Variants in BANK1 observed in about 807,000 individuals in gnomAD.
BANK1 encodes the protein B cell scaffold protein with ankyrin repeats 1, also known as B-cell scaffold protein with ankyrin repeats.
In BANK1, 95 loss-of-function variants were observed where a neutral mutation model predicts 94.5. The observed-to-expected ratio is 1.00, with a 90% CI of 0.85 to 1.19. BANK1 has a LOEUF of 1.19. Ranked by LOEUF, BANK1 falls within the 50% of genes most tolerant of loss-of-function variation. The pLI is 0.00. For missense variants in BANK1, 987 were observed against 932.2 expected (o/e 1.06, Z -0.77); for synonymous variants, 334 against 308.4 (o/e 1.08, Z -0.87).
intron 7 of BANK1, among the ~76,000 whole-genome samples, chr4:101,948,563 CTG>C (rs1199895091): frequency 6.6e-6 from 1 of 152,066 alleles, no homozygotes; most frequent in Non-Finnish European, 1.5e-5. Context: ...GTGAATGACT[CTG>C]TTTTTTATAT....
At chr4:101,836,922 G>A (rs532790528) in intron 2 of BANK1, among the ~76,000 whole-genome samples, 1 of 152,252 alleles carries the variant, frequency 6.6e-6, no homozygotes, top group African/African-American at 2.4e-5. Flanking sequence ...GCTTAGAACT[G>A]TATCTCCGTG....
chr4:101,815,245 A>G (rs1560584926), intron 1 of BANK1, among the ~76,000 whole-genome samples: 1 of 152,174 alleles, frequency 6.6e-6, no homozygotes, highest in Non-Finnish European at 1.5e-5. Flanking sequence ...GGAGCTTAAC[A>G]AAACAATTAC....
At chr4:102,062,220 T>C (rs1194525699) in intron 12 of BANK1, 1 of 152,154 alleles carries the variant, frequency 6.6e-6, no homozygotes, top group African/African-American at 2.4e-5. Flanking sequence ...AACATGGAGT[T>C]AATAGGGGAA....
intron 7 of BANK1, among the ~76,000 whole-genome samples, chr4:101,965,356 T>C (rs1182706231): frequency 6.7e-6 from 1 of 149,136 alleles, no homozygotes; most frequent in Non-Finnish European, 1.5e-5. Flanking sequence ...AAAAAAACAG[T>C]GACACAAAAC....
At chr4:101,938,245 A>G (rs746507768) in intron 7 of BANK1, among the ~76,000 whole-genome samples, 1 of 151,666 alleles carries the variant, frequency 6.6e-6, no homozygotes, top group Non-Finnish European at 1.5e-5. Context: ...AATAATAATA[A>G]TAAAACAATT....
At chr4:101,880,691 C>T (rs1053678712) in intron 5 of BANK1, among the ~76,000 whole-genome samples, 26 of 151,902 alleles carry the variant, frequency 1.7e-4, no homozygotes, top group African/African-American at 5.8e-4. Flanking sequence ...GCTATAGTAA[C>T]AAAAAACAGC....
Position 101,918,003 on chromosome 4 carries a change from C to A in BANK1, c.1020C>A (p.Phe340Leu). The change falls in exon 7 of 17, where the codon TTC becomes TTA. Residue 340 changes from phenylalanine to leucine, a missense_variant. Transcript: ENST00000322953. Reference protein sequence around the residue: ...EICSQNKYTHFKELPTLLHCA... With the variant: ...EICSQNKYTHLKELPTLLHCA... ...TTCTTATGCTTACAGATACTCATTT[C>A]AAAGAACTTCCAACTCTTCTCCACT... is the stretch of plus-strand genomic sequence containing the variant. The A allele has an allele frequency of 6.2e-7, 1 of 1,603,936 alleles. No individual in the cohort carries two copies. Among genetic ancestry groups the A allele is most frequent in the Non-Finnish European group, 8.5e-7 (1 of 1,172,942 alleles).
At chr4:101,901,631 A>G (rs1392902960) in intron 6 of BANK1, among the ~76,000 whole-genome samples, 1 of 152,228 alleles carries the variant, frequency 6.6e-6, no homozygotes, top group Non-Finnish European at 1.5e-5. Flanking sequence ...AAAAAGTAAC[A>G]GATTAGGCAA....
intron 1 of BANK1, among the ~76,000 whole-genome samples, chr4:101,828,607 C>T (rs556805419): frequency 6.6e-6 from 1 of 151,974 alleles, no homozygotes; most frequent in East Asian, 1.9e-4. Context: ...AATATTATGT[C>T]TTTCGATTCA....
At chr4:101,951,432 G>C (rs1724148969) in intron 7 of BANK1, among the ~76,000 whole-genome samples, 1 of 151,976 alleles carries the variant, frequency 6.6e-6, no homozygotes, top group Non-Finnish European at 1.5e-5. Flanking sequence ...CCAAACACCA[G>C]TTTACAGGGA....
intron 7 of BANK1, among the ~76,000 whole-genome samples, chr4:101,954,409 A>G (rs981595337): frequency 6.6e-6 from 1 of 152,168 alleles, no homozygotes; most frequent in African/African-American, 2.4e-5. Context: ...GTTAGTGTTC[A>G]TTTGTGGAGT....
chr4:101,919,615 G>A (rs1020733821), intron 7 of BANK1, among the ~76,000 whole-genome samples: 8 of 151,812 alleles, frequency 5.3e-5, no homozygotes, highest in South Asian at 2.1e-4. Context: ...TCACTTTTTC[G>A]TAGTCGCTGC....
At chr4:101,842,640 T>C (rs1226047626) in intron 2 of BANK1, among the ~76,000 whole-genome samples, 1 of 152,238 alleles carries the variant, frequency 6.6e-6, no homozygotes, top group Non-Finnish European at 1.5e-5. Flanking sequence ...ATTTCTAATT[T>C]CTTAGATATA....
At chr4:101,960,872 C>G (rs189367898) in intron 7 of BANK1, among the ~76,000 whole-genome samples, 1 of 152,162 alleles carries the variant, frequency 6.6e-6, no homozygotes, top group Non-Finnish European at 1.5e-5. Flanking sequence ...AACAAGTTCT[C>G]TGATTCTAGG....
At chr4:102,021,452 C>T (rs1292344234) in intron 7 of BANK1, 62 bp from the exon 8 acceptor site, 7 of 603,464 alleles carry the variant, frequency 1.2e-5, no homozygotes, top group East Asian at 3.3e-5. Flanking sequence ...CTTATTTGCA[C>T]AGGCATCCAG....
At chr4:101,912,579 A>G (rs1260222021) in intron 6 of BANK1, among the ~76,000 whole-genome samples, 1 of 148,546 alleles carries the variant, frequency 6.7e-6, no homozygotes, top group South Asian at 2.1e-4. Context: ...TATATAAAAT[A>G]TGTATTGAAT....
At position 101,829,880 on chromosome 4, in the gene BANK1, T is replaced by A. The variant is rs1372283833; in HGVS notation, c.143T>A (p.Phe48Tyr). ...EEWALYLTEV[F>Y]LHVVKREAIL... ...TGGGCTCTGTACTTGACAGAAGTAT[T>A]TTTACATGTTGTGAAAAGGGAAGCC... The change falls in exon 2 of 17, where the codon TTT (phenylalanine) becomes TAT (tyrosine). Residue 48 changes from phenylalanine (F) to tyrosine (Y), a missense_variant. By Grantham distance (22) the Phe-to-Tyr change is conservative (BLOSUM62 3). Transcript: ENST00000322953. 6.2e-7 allele frequency: 1 copy of A among 1,612,610 alleles called. No individual in the cohort carries two copies. The highest frequency in any genetic ancestry group is 2.2e-5 in the East Asian group (1 of 44,838).
At chr4:102,054,560 G>T (rs1728165392) in intron 11 of BANK1, among the ~76,000 whole-genome samples, 1 of 152,060 alleles carries the variant, frequency 6.6e-6, no homozygotes, top group Non-Finnish European at 1.5e-5. Context: ...AAAGACTGTA[G>T]CGGCAGAAAA....
At chr4:102,035,931 G>A (rs1006920657) in intron 10 of BANK1, among the ~76,000 whole-genome samples, 4 of 151,974 alleles carry the variant, frequency 2.6e-5, no homozygotes, top group Non-Finnish European at 5.9e-5. Flanking sequence ...CAGAATTCTT[G>A]ATTTAAGACA....
Sources: allele counts gnomAD v4.1 joint callset (sites outside exome capture counted in the v4.1 genomes callset), GRCh38; gene constraint gnomAD v4.1.1; transcripts MANE v1.5; gene names NCBI Gene and HGNC (gene_info 2026-07-23, HGNC 2026-07-21).